Variants in PCGF3 observed in about 807,000 individuals in gnomAD.
The protein encoded by PCGF3 is polycomb group ring finger 3.
PCGF3 carries 7 observed loss-of-function variants against 33.1 expected under a neutral mutation model. That is an observed-to-expected ratio of 0.21 (90% CI 0.12 to 0.40). PCGF3 has a LOEUF of 0.40. Among genes scored for constraint, PCGF3 ranks in the 10% least tolerant of loss-of-function variants. PCGF3 has a pLI of 1.00. For missense variants in PCGF3, 211 were observed against 313.3 expected, an observed-to-expected ratio of 0.67 and a Z score of 2.46; for synonymous variants, 153 against 121.3, an observed-to-expected ratio of 1.26 and a Z score of -1.72.
chr4:740,036 A>G (rs768927272), intron 6 of PCGF3, among the ~76,000 whole-genome samples: 1 of 152,202 alleles, frequency 6.6e-6, no homozygotes, highest in African/African-American at 2.4e-5. Context: ...AACTATTAGC[A>G]GTGCACCTAT....
intron 9 of PCGF3, chr4:762,206 G>C: frequency 7.2e-6 from 4 of 553,256 alleles, no homozygotes; most frequent in Non-Finnish European, 9.2e-6. Context: ...ATTAAATAAA[G>C]GATTTTGGGA....
chr4:729,868 T>G (rs1205327249), intron 1 of PCGF3, among the ~76,000 whole-genome samples: 1 of 152,048 alleles, frequency 6.6e-6, no homozygotes, highest in African/African-American at 2.4e-5. Context: ...GCCCCCACTT[T>G]CCCCAGTCTG....
chr4:755,767 T>A, intron 8 of PCGF3, among the ~76,000 whole-genome samples: 1 of 152,106 alleles, frequency 6.6e-6, no homozygotes, highest in East Asian at 1.9e-4. Context: ...CTCTCTGCTC[T>A]GTTCCGCTGG....
At chr4:715,938 G>T (rs1230771655) in intron 1 of PCGF3, among the ~76,000 whole-genome samples, 22 of 110,166 alleles carry the variant, frequency 2.0e-4, no homozygotes, top group South Asian at 3.8e-4. Flanking sequence ...TGTAGACACT[G>T]AGGGTGAGAA....
Position 721,494 on chromosome 4 carries a change from G to A in PCGF3, c.-189-9136G>A, listed in dbSNP as rs553744101. On this transcript the variant is annotated intron_variant, in intron 1 of 10. Transcript: ENST00000362003. This position sits in a 1 kb window ranked among gnomAD's most constrained non-coding sequence, Gnocchi z 4.1. ...GCGTCCAGGCTGCAGAGGGTGCCGG[G>A]GTGGAGAGCGGAAGAGAGAGGGAGT... 1.7e-4 allele frequency among the ~76,000 whole-genome samples: 26 copies of A among 152,230 alleles called. No individual in the cohort carries two copies. The highest frequency in any genetic ancestry group is 9.2e-4 in the Admixed American group (14 of 15,288).
intron 8 of PCGF3, among the ~76,000 whole-genome samples, chr4:758,294 A>G (rs1185281866): frequency 1.3e-5 from 2 of 151,236 alleles, no homozygotes; most frequent in African/African-American, 4.9e-5. Flanking sequence ...TCTTCCGCCA[A>G]ACTCCAGGTC....
At chr4:761,715 C>T (rs1226804602) in intron 9 of PCGF3, 2 of 985,268 alleles carry the variant, frequency 2.0e-6, no homozygotes, top group Non-Finnish European at 2.4e-6. Context: ...AAATTCTGTG[C>T]TTTAATTTCA....
chr4:723,050 G>GC (rs1387642945), intron 1 of PCGF3, among the ~76,000 whole-genome samples: 1 of 128,874 alleles, frequency 7.8e-6, no homozygotes, highest in South Asian at 2.5e-4. Flanking sequence ...TCACGTCATC[G>GC]CCATCCACGC....
In PCGF3 at chr4:721,242, C is replaced by T. The variant is rs1577401100; in HGVS notation, c.-189-9388C>T. On this transcript the variant is annotated intron_variant, in intron 1 of 10. Transcript: ENST00000362003. This position sits in a 1 kb window ranked among gnomAD's most constrained non-coding sequence, Gnocchi z 4.1. ...GGCTGTTCCACGGTGGCACAGGACA[C>T]GCCTGCAGCTTTGTGCCTGTGAATC... 6.6e-6 allele frequency among the ~76,000 whole-genome samples: 1 copy of T among 152,200 alleles called. No homozygotes were observed. Among genetic ancestry groups the T allele is most frequent in the African/African-American group, 2.4e-5 (1 of 41,440 alleles).
intron 8 of PCGF3, among the ~76,000 whole-genome samples, chr4:758,243 G>A (rs888402896): frequency 1.7e-4 from 22 of 128,126 alleles, no homozygotes; most frequent in South Asian, 5.5e-4. Context: ...CACCCCCACC[G>A]CGGCTCTCAC....
intron 9 of PCGF3, 84 bp from the exon 10 acceptor site, chr4:764,900 C>T (rs900089293): frequency 1.5e-5 from 13 of 891,074 alleles, no homozygotes; most frequent in African/African-American, 8.2e-5. Flanking sequence ...GGAGGGGCTG[C>T]AGATTTCATA....
In PCGF3 at chr4:758,361, C is replaced by T. The variant is rs557157721; in HGVS notation, c.463-2918C>T. Among the ~76,000 whole-genome samples, 6 of 148,150 alleles carry T rather than the reference C, an allele frequency of 4.0e-5. No individual in the cohort carries two copies. In the East Asian group the frequency reaches 1.2e-3, roughly 30 times the overall value. ...TTCTCGCTCCGGACTCCAGGTCTTTCTCCCCTCGAGGCCCCTCTCCGGAGT... is the reference window on the plus strand; with the variant it reads ...TTCTCGCTCCGGACTCCAGGTCTTTTTCCCCTCGAGGCCCCTCTCCGGAGT... On this transcript the variant is annotated intron_variant, in intron 8 of 10. Transcript: ENST00000362003.
At chr4:760,721 T>C (rs1371252682) in intron 8 of PCGF3, among the ~76,000 whole-genome samples, 1 of 152,224 alleles carries the variant, frequency 6.6e-6, no homozygotes, top group East Asian at 1.9e-4. Context: ...AGCCTCGTCC[T>C]GGGCAGATTC....
At chr4:733,895 C>T (rs1743725429) in intron 4 of PCGF3, 106 bp downstream of exon 4, 2 of 1,591,354 alleles carry the variant, frequency 1.3e-6, no homozygotes, top group African/African-American at 1.3e-5. Context: ...TCAAGCCCGA[C>T]AAAAGCAGGA....
rs529501341 is a variant in PCGF3 at position 709,447 on chromosome 4, G to A, written c.-190+3477G>A. On this transcript the variant is annotated intron_variant, in intron 1 of 10. Transcript: ENST00000362003. ...ATGAACAAATGAATGAAAGGCAAGA[G>A]TGAATGATCCATGAGCAAATGAATG... Among the ~76,000 whole-genome samples the A allele has an allele frequency of 3.7e-4, 56 of 152,212 alleles. 1 individual carries two copies. Among genetic ancestry groups the A allele is most frequent in the South Asian group, 1.5e-3 (7 of 4,814 alleles).
chr4:733,096 C>G (rs1743677420), intron 3 of PCGF3, among the ~76,000 whole-genome samples: 1 of 149,010 alleles, frequency 6.7e-6, no homozygotes. Context: ...CTGCCTCCGC[C>G]CCTGCCCCGT....
intron 1 of PCGF3, among the ~76,000 whole-genome samples, chr4:715,528 G>A (rs1344515725): frequency 6.9e-6 from 1 of 144,336 alleles, no homozygotes; most frequent in Non-Finnish European, 1.5e-5. Flanking sequence ...TCGGTGCTGG[G>A]ACCCTGTAGA....
intron 7 of PCGF3, among the ~76,000 whole-genome samples, chr4:744,306 G>A (rs1744219017): frequency 6.6e-6 from 1 of 152,256 alleles, no homozygotes; most frequent in Non-Finnish European, 1.5e-5. Flanking sequence ...GGGCGGGCCT[G>A]GCCATGTGGC....
intron 1 of PCGF3, among the ~76,000 whole-genome samples, chr4:712,501 G>A (rs908092721): frequency 3.9e-5 from 6 of 152,232 alleles, no homozygotes; most frequent in African/African-American, 1.4e-4. Flanking sequence ...AGGCTGGAGT[G>A]CAGTGGCGCG....
Sources: allele counts gnomAD v4.1 joint callset (sites outside exome capture counted in the v4.1 genomes callset), GRCh38; gene constraint gnomAD v4.1.1; non-coding constraint Gnocchi (gnomAD v3.1); transcripts MANE v1.5; gene names NCBI Gene and HGNC (gene_info 2026-07-23, HGNC 2026-07-21).